Variants in SNCB observed in about 807,000 individuals in gnomAD.
The protein encoded by SNCB is beta-synuclein.
A neutral mutation model predicts 20.0 loss-of-function variants in SNCB; 8 were observed. The observed-to-expected ratio is 0.40, with a 90% CI of 0.24 to 0.72. The LOEUF is 0.72. SNCB is among the 30% of genes least tolerant of loss of function. The pLI, the probability that SNCB is intolerant of heterozygous loss-of-function variation, is 0.37. For synonymous variants in SNCB, 56 were observed against 65.4 expected (o/e 0.86, Z 0.69); for missense variants, 125 against 168.0 (o/e 0.74, Z 1.41).
At chr5:176,628,424 T>C (rs1023233362) in intron 2 of SNCB, among the ~76,000 whole-genome samples, 1 of 152,154 alleles carries the variant, frequency 6.6e-6, no homozygotes, top group African/African-American at 2.4e-5. Flanking sequence ...CCCTGCAGTT[T>C]TTCTGTCCCC....
Position 176,620,689 on chromosome 5 carries a change from G to T in SNCB, c.*122C>A. The stretch of plus-strand genomic sequence containing the variant: ...CACTAACACAGGCTCCGAGGGGGTT[G>T]CCTCAGAGCGGAAGGAAGATCTCGT... On this transcript the variant is annotated 3_prime_UTR_variant, in exon 6 of 6. Coordinates refer to ENST00000393693, the MANE Select transcript of SNCB (RefSeq NM_003085.5). This position sits in a 1 kb window ranked among gnomAD's most constrained non-coding sequence, Gnocchi z 4.5. 1.3e-6 allele frequency: 1 copy of T among 786,778 alleles called. No individual in the cohort carries two copies. The highest frequency in any genetic ancestry group is 2.3e-6 in the Non-Finnish European group (1 of 433,660). The allele number at this position is 786,778 out of a possible 1,614,324, so 48.7% of individuals were successfully genotyped here. A position where few individuals can be genotyped will look rare whatever the true frequency, so the allele number is the denominator to read the frequency against.
Position 176,620,466 on chromosome 5 carries a change from A to C in SNCB, c.*345T>G, listed in dbSNP as rs1255843524. 1 of 340,532 alleles carries C rather than the reference A, an allele frequency of 2.9e-6. No individual in the cohort carries two copies. Among genetic ancestry groups the C allele is most frequent in the Non-Finnish European group, 5.4e-6 (1 of 184,554 alleles). 21.1% of individuals were successfully genotyped at this position (340,532 alleles called of 1,614,324 possible). ...CTGGGGCTGCCCGGGGGCCGCTTGGAGAGCCACTGTCGGGGATCGGGGAGG... is the reference window on the plus strand; with the variant it reads ...CTGGGGCTGCCCGGGGGCCGCTTGGCGAGCCACTGTCGGGGATCGGGGAGG... On this transcript the variant is annotated 3_prime_UTR_variant, in exon 6 of 6. Coordinates refer to ENST00000393693, the MANE Select transcript of SNCB (RefSeq NM_003085.5). The surrounding 1 kb of genome is among the most constrained non-coding windows in gnomAD (Gnocchi z 4.5).
chr5:176,628,698 A>G (rs1011578309), intron 2 of SNCB, among the ~76,000 whole-genome samples: 1 of 152,094 alleles, frequency 6.6e-6, no homozygotes, highest in East Asian at 1.9e-4. Flanking sequence ...GAGCCACTGG[A>G]TGTCAACTCG....
At position 176,626,645 on chromosome 5, in the gene SNCB, G is replaced by C. The variant is rs767524046; in HGVS notation, c.163+75C>G. ...CGCAGAAGCCTTGGGAGTCTCCCCC[G>C]CCCCCGCCCTCTGGTTCCCGGCCAG... On this transcript the variant is annotated intron_variant, in intron 3 of 5. Transcript: ENST00000393693. The surrounding 1 kb of genome is among the most constrained non-coding windows in gnomAD (Gnocchi z 4.2). 6 of 1,561,686 alleles carry C rather than the reference G, an allele frequency of 3.8e-6. No individual in the cohort carries two copies. The highest frequency in any genetic ancestry group is 1.7e-5 in the Admixed American group (1 of 59,806).
intron 4 of SNCB, among the ~76,000 whole-genome samples, chr5:176,624,306 G>A (rs1759792709): frequency 6.6e-6 from 1 of 152,230 alleles, no homozygotes; most frequent in Non-Finnish European, 1.5e-5. Flanking sequence ...TTATAAGGGA[G>A]GCAGGCAGGA....
chr5:176,628,019 G>C (rs933294139), intron 2 of SNCB, among the ~76,000 whole-genome samples: 16 of 152,230 alleles, frequency 1.1e-4, no homozygotes, highest in Admixed American at 4.6e-4. Context: ...AGACAAGGCA[G>C]AGCAATGTGC....
rs368846293 is a variant in SNCB at position 176,626,665 on chromosome 5, G to T, written c.163+55C>A. 246 of 1,599,848 alleles carry T rather than the reference G, an allele frequency of 1.5e-4. 1 individual carries two copies. The highest frequency in any genetic ancestry group is 9.9e-5 in the South Asian group (9 of 90,722). ...CCCCCGCCCCCGCCCTCTGGTTCCCGGCCAGATCATCCGCCTAAGTGAGAG... is the reference window on the plus strand; with the variant it reads ...CCCCCGCCCCCGCCCTCTGGTTCCCTGCCAGATCATCCGCCTAAGTGAGAG... On this transcript the variant is annotated intron_variant, in intron 3 of 5. Transcript: ENST00000393693. This position sits in a 1 kb window ranked among gnomAD's most constrained non-coding sequence, Gnocchi z 4.2.
intron 1 of SNCB, 97 bp downstream of exon 1, chr5:176,630,183 C>T (rs1760289248): frequency 1.3e-5 from 2 of 152,534 alleles, no homozygotes; most frequent in East Asian, 1.9e-4. Flanking sequence ...CCCGGGTCTC[C>T]CTCCATTTTC....
At chr5:176,628,035 G>T (rs1254927065) in intron 2 of SNCB, among the ~76,000 whole-genome samples, 1 of 152,218 alleles carries the variant, frequency 6.6e-6, no homozygotes, top group Non-Finnish European at 1.5e-5. Flanking sequence ...TGTGCTTTCA[G>T]GACAGTCCAT....
In SNCB at chr5:176,621,204, G is replaced by A; in HGVS notation, c.372+10C>T. 6.2e-7 allele frequency: 1 copy of A among 1,605,064 alleles called. No homozygotes were observed. Among genetic ancestry groups the A allele is most frequent in the Non-Finnish European group, 8.5e-7 (1 of 1,173,388 alleles). On this transcript the variant is annotated intron_variant, in intron 5 of 5. Transcript: ENST00000393693. The surrounding 1 kb of genome is among the most constrained non-coding windows in gnomAD (Gnocchi z 4.1). ...TCCCAAAGTCCCGCCCAGCCCTGCTGCCCCCTCACCTGGGGTGGGTCCTCA... is the reference window on the plus strand; with the variant it reads ...TCCCAAAGTCCCGCCCAGCCCTGCTACCCCCTCACCTGGGGTGGGTCCTCA...
At chr5:176,628,229 G>T (rs112207609) in intron 2 of SNCB, among the ~76,000 whole-genome samples, 28 of 152,264 alleles carry the variant, frequency 1.8e-4, no homozygotes, top group African/African-American at 6.3e-4. Flanking sequence ...GCTTGGAGGG[G>T]CCAAGTCTAT....
chr5:176,626,636 G>A lies in SNCB; in HGVS notation c.163+84C>T, dbSNP rs1246246135. On this transcript the variant is annotated intron_variant, in intron 3 of 5. Coordinates refer to ENST00000393693, the MANE Select transcript of SNCB (RefSeq NM_003085.5). The surrounding 1 kb of genome is among the most constrained non-coding windows in gnomAD (Gnocchi z 4.2). Reference sequence around the variant, plus strand: ...GAGCATTCCCGCAGAAGCCTTGGGAGTCTCCCCCGCCCCCGCCCTCTGGTT... The same window carrying A: ...GAGCATTCCCGCAGAAGCCTTGGGAATCTCCCCCGCCCCCGCCCTCTGGTT... 1 of 1,554,228 alleles carries A rather than the reference G, an allele frequency of 6.4e-7. No individual in the cohort carries two copies. Among genetic ancestry groups the A allele is most frequent in the South Asian group, 1.1e-5 (1 of 89,854 alleles).
At chr5:176,627,690 G>C (rs1760062118) in intron 2 of SNCB, among the ~76,000 whole-genome samples, 1 of 152,210 alleles carries the variant, frequency 6.6e-6, no homozygotes, top group Non-Finnish European at 1.5e-5. Context: ...GGTGTGGGAA[G>C]ACAGGGTTCT....
At position 176,626,016 on chromosome 5, in the gene SNCB, C is replaced by G. The variant is rs895112815; in HGVS notation, c.282+382G>C. Among the ~76,000 whole-genome samples the G allele has an allele frequency of 4.6e-5, 7 of 152,186 alleles. No individual in the cohort carries two copies. Among genetic ancestry groups the G allele is most frequent in the African/African-American group, 1.4e-4 (6 of 41,440 alleles). On this transcript the variant is annotated intron_variant, in intron 4 of 5. Coordinates refer to ENST00000393693, the MANE Select transcript of SNCB (RefSeq NM_003085.5). This position sits in a 1 kb window ranked among gnomAD's most constrained non-coding sequence, Gnocchi z 4.2. Reference sequence around the variant, plus strand: ...AATGTCAGCTGCAGGAACGTAGGAACCTATTCACTGCGGCAGCCTCTACAA... The same window carrying G: ...AATGTCAGCTGCAGGAACGTAGGAAGCTATTCACTGCGGCAGCCTCTACAA...
rs940517246 is a variant in SNCB at position 176,620,640 on chromosome 5, G to C, written c.*171C>G. ...CCATGCCCCGGGGTTGGACGCGGGC[G>C]GGTAGGACAGACAGATGGACAGACA... On this transcript the variant is annotated 3_prime_UTR_variant, in exon 6 of 6. Coordinates refer to ENST00000393693, the MANE Select transcript of SNCB (RefSeq NM_003085.5). This position sits in a 1 kb window ranked among gnomAD's most constrained non-coding sequence, Gnocchi z 4.5. 1.5e-6 allele frequency: 1 copy of C among 653,582 alleles called. No individual in the cohort carries two copies. Among genetic ancestry groups the C allele is most frequent in the Non-Finnish European group, 2.8e-6 (1 of 362,354 alleles). The allele number at this position is 653,582 out of a possible 1,614,324, so 40.5% of individuals were successfully genotyped here. A position where few individuals can be genotyped will look rare whatever the true frequency, so the allele number is the denominator to read the frequency against.
In SNCB at chr5:176,626,178, C is replaced by T. The variant is rs1224526707; in HGVS notation, c.282+220G>A. On this transcript the variant is annotated intron_variant, in intron 4 of 5. Transcript: ENST00000393693. The surrounding 1 kb of genome is among the most constrained non-coding windows in gnomAD (Gnocchi z 4.2). ...ACGCAGACAGCCAGGTCTGGGTCCCCATCACCGGGAGCGTCACACCCATGC... is the reference window on the plus strand; with the variant it reads ...ACGCAGACAGCCAGGTCTGGGTCCCTATCACCGGGAGCGTCACACCCATGC... 2.0e-5 allele frequency among the ~76,000 whole-genome samples: 3 copies of T among 152,166 alleles called. No individual in the cohort carries two copies. Among genetic ancestry groups the T allele is most frequent in the Non-Finnish European group, 4.4e-5 (3 of 68,048 alleles).
In SNCB at chr5:176,621,858, C is replaced by G. The variant is rs540643151; in HGVS notation, c.283-555G>C. ...GGATGTGTGAGCTAAGACTCTCCCCCCCACCCGCTGCGTCTGCTGCCCAGA... is the reference window on the plus strand; with the variant it reads ...GGATGTGTGAGCTAAGACTCTCCCCGCCACCCGCTGCGTCTGCTGCCCAGA... On this transcript the variant is annotated intron_variant, in intron 4 of 5. Transcript: ENST00000393693. This position sits in a 1 kb window ranked among gnomAD's most constrained non-coding sequence, Gnocchi z 4.1. 4.7e-4 allele frequency among the ~76,000 whole-genome samples: 71 copies of G among 152,352 alleles called. No homozygotes were observed. In the South Asian group the frequency reaches 0.012, roughly 26 times the overall value.
rs764884643 is a variant in SNCB at position 176,629,527 on chromosome 5, TACCCACCGACGTAGAGGAC to T, written c.109_121+6del. ...CTGCAGCCCCAGAAACCCCGCCCCT[TACCCACCGACGTAGAGGAC>T]GCCCTCCTTGGTCTTCTCCGCCGCC... is the stretch of plus-strand genomic sequence containing the variant. On this transcript the variant is annotated splice_donor_variant and splice_donor_5th_base_variant and coding_sequence_variant and intron_variant, in exon 2 of 6. Transcript: ENST00000393693. LOFTEE classifies it high-confidence loss of function. This position sits in a 1 kb window ranked among gnomAD's most constrained non-coding sequence, Gnocchi z 4.1. 2 of 1,612,776 alleles carry T rather than the reference TACCCACCGACGTAGAGGAC, an allele frequency of 1.2e-6. No individual in the cohort carries two copies. The highest frequency in any genetic ancestry group is 1.7e-5 in the Admixed American group (1 of 59,952).
chr5:176,629,651 C>A lies in SNCB; in HGVS notation c.4G>T (p.Asp2Tyr). 1.9e-6 allele frequency: 3 copies of A among 1,613,628 alleles called. No individual in the cohort carries two copies. Among genetic ancestry groups the A allele is most frequent in the Non-Finnish European group, 2.5e-6 (3 of 1,179,752 alleles). MDVFMKGLSMAK... is the reference protein window; with the variant it reads MYVFMKGLSMAK... Reference sequence around the variant, plus strand: ...ATGGACAGGCCCTTCATGAACACGTCCATCCTGGCGGCCTGGGGAGGGCGA... The same window carrying A: ...ATGGACAGGCCCTTCATGAACACGTACATCCTGGCGGCCTGGGGAGGGCGA... The change falls in exon 2 of 6, where the codon GAC becomes TAC. Residue 2 changes from aspartate (D) to tyrosine (Y), a missense_variant. Coordinates refer to ENST00000393693, the MANE Select transcript of SNCB (RefSeq NM_003085.5). This position sits in a 1 kb window ranked among gnomAD's most constrained non-coding sequence, Gnocchi z 4.1.
Sources: gnomAD v4.1 joint callset for allele counts (sites outside exome capture counted in the v4.1 genomes callset) on GRCh38, gnomAD v4.1.1 for gene constraint, Gnocchi (gnomAD v3.1) non-coding constraint, MANE v1.5 for transcripts, NCBI Gene and HGNC (gene_info 2026-07-23, HGNC 2026-07-21) for gene names.